The following AUH variants were observed in gnomAD, a reference collection of about 807,000 sequenced individuals.
AUH encodes the protein methylglutaconyl-CoA hydratase, mitochondrial.
A neutral mutation model predicts 42.3 loss-of-function variants in AUH; 29 were observed. The ratio of observed to expected loss-of-function variants is 0.69; its 90% CI spans 0.51 to 0.93. AUH has a LOEUF of 0.93. AUH is among the 40% of genes least tolerant of loss of function. The probability of loss-of-function intolerance (pLI) is 0.00; values close to 1 mark genes in which losing one functional copy is unlikely to be tolerated. For missense variants in AUH, 452 were observed against 438.1 expected (o/e 1.03, Z -0.28); for synonymous variants, 174 against 166.4 (o/e 1.05, Z -0.35).
intron 4 of AUH, among the ~76,000 whole-genome samples, chr9:91,301,905 A>T (rs1222687442): frequency 6.6e-6 from 1 of 152,238 alleles, no homozygotes; most frequent in African/African-American, 2.4e-5. Flanking sequence ...AATTAACATA[A>T]ATTAGCCTTG....
In AUH at chr9:91,361,824, C is replaced by A; in HGVS notation, c.66G>T (p.Leu22=). The change falls in exon 1 of 10, where the codon CTG becomes CTT. Residue 22 remains leucine, a synonymous_variant. Coordinates refer to ENST00000375731, the MANE Select transcript of AUH (RefSeq NM_001698.3). ...AGAGCCACGCACTGCAAGCGGCCAC[C>A]AGGCGGGCGCCGCCAGCATGCAGGG... ...LGSLHAGGAR[L]VAACSAWLCP... 2 of 1,505,692 alleles carry A rather than the reference C, an allele frequency of 1.3e-6. No homozygotes were observed. The highest frequency in any genetic ancestry group is 1.8e-6 in the Non-Finnish European group (2 of 1,132,484). 93.3% of individuals were successfully genotyped at this position (1,505,692 alleles called of 1,614,324 possible). A position where few individuals can be genotyped will look rare whatever the true frequency, so the allele number is the denominator to read the frequency against.
chr9:91,260,438 T>C (rs1052941556), intron 6 of AUH, among the ~76,000 whole-genome samples: 3 of 152,226 alleles, frequency 2.0e-5, no homozygotes, highest in African/African-American at 4.8e-5. Flanking sequence ...TGAGTGTTTT[T>C]AGTATTCCAT....
At chr9:91,240,370 G>A (rs1828443898) in intron 6 of AUH, among the ~76,000 whole-genome samples, 1 of 152,136 alleles carries the variant, frequency 6.6e-6, no homozygotes, top group Non-Finnish European at 1.5e-5. Flanking sequence ...GGCTTCTCCT[G>A]CCCAACCCTC....
intron 6 of AUH, among the ~76,000 whole-genome samples, chr9:91,223,211 G>A (rs1440639855): frequency 6.6e-6 from 1 of 152,174 alleles, no homozygotes; most frequent in African/African-American, 2.4e-5. Flanking sequence ...AGGAACCAGG[G>A]GAAAACCCTT....
At chr9:91,357,995 C>A (rs1002192102) in intron 1 of AUH, among the ~76,000 whole-genome samples, 12 of 152,066 alleles carry the variant, frequency 7.9e-5, no homozygotes, top group African/African-American at 2.9e-4. Flanking sequence ...GGAGATCATA[C>A]CAGAAGTAGA....
intron 6 of AUH, among the ~76,000 whole-genome samples, chr9:91,244,291 T>C (rs1206524464): frequency 6.6e-6 from 1 of 152,204 alleles, no homozygotes; most frequent in East Asian, 1.9e-4. Context: ...CACTGTATAG[T>C]ATTAATAGAA....
chr9:91,237,754 C>T (rs1369783251), intron 6 of AUH, among the ~76,000 whole-genome samples: 1 of 152,182 alleles, frequency 6.6e-6, no homozygotes, highest in Non-Finnish European at 1.5e-5. Flanking sequence ...TCAATAACTT[C>T]CTGTTACCTG....
chr9:91,275,560 A>G (rs2482340), intron 6 of AUH, among the ~76,000 whole-genome samples: 77,306 of 152,054 alleles, frequency 0.51, 22,979 homozygotes, highest in African/African-American at 0.83. Context: ...ATAATTAAAT[A>G]AGTGTTCTCA....
chr9:91,344,516 T>C (rs2132000502), intron 3 of AUH, among the ~76,000 whole-genome samples: 1 of 152,318 alleles, frequency 6.6e-6, no homozygotes, highest in African/African-American at 2.4e-5. Flanking sequence ...TTCGAATATG[T>C]TACAGAATTT....
chr9:91,317,046 C>T (rs1745416789), intron 4 of AUH, among the ~76,000 whole-genome samples: 1 of 152,234 alleles, frequency 6.6e-6, no homozygotes, highest in Non-Finnish European at 1.5e-5. Flanking sequence ...ATATCAACTT[C>T]CCCACTTGGG....
chr9:91,355,867 C>G lies in AUH; in HGVS notation c.418+16G>C. ...CAGACTACAGTTTAATTTCATAATACAACATATTTACATACCAGCACAGAA... is the reference window on the plus strand; with the variant it reads ...CAGACTACAGTTTAATTTCATAATAGAACATATTTACATACCAGCACAGAA... On this transcript the variant is annotated intron_variant, in intron 3 of 9. Coordinates refer to ENST00000375731, the MANE Select transcript of AUH (RefSeq NM_001698.3). 6.3e-7 allele frequency: 1 copy of G among 1,588,370 alleles called. No homozygotes were observed. The highest frequency in any genetic ancestry group is 1.7e-4 in the Middle Eastern group (1 of 6,016).
chr9:91,221,370 G>A (rs1412771229), intron 6 of AUH, among the ~76,000 whole-genome samples: 1 of 152,138 alleles, frequency 6.6e-6, no homozygotes, highest in Non-Finnish European at 1.5e-5. Context: ...ACCAAGCTTG[G>A]CATTCTTCTT....
chr9:91,257,580 C>T (rs73651407), intron 6 of AUH, among the ~76,000 whole-genome samples: 32 of 152,282 alleles, frequency 2.1e-4, no homozygotes, highest in African/African-American at 7.2e-4. Context: ...CCCCTTGCCA[C>T]CAATGGGTCC....
intron 6 of AUH, among the ~76,000 whole-genome samples, chr9:91,242,615 C>T (rs7857616): frequency 0.21 from 31,398 of 152,082 alleles, 3,413 homozygotes; most frequent in East Asian, 0.32. Flanking sequence ...TCACATCAAC[C>T]GTTTTTCTTG....
At chr9:91,214,669 C>A (rs569277612) in intron 9 of AUH, among the ~76,000 whole-genome samples, 1 of 152,264 alleles carries the variant, frequency 6.6e-6, no homozygotes, top group African/African-American at 2.4e-5. Flanking sequence ...TAGATATTTT[C>A]TCTTTTCTAT....
intron 4 of AUH, among the ~76,000 whole-genome samples, chr9:91,320,250 A>G (rs1004240418): frequency 2.8e-4 from 42 of 152,214 alleles, no homozygotes; most frequent in Admixed American, 2.6e-3. Context: ...GTACGTATGC[A>G]TATCTTGTTT....
At chr9:91,326,494 G>A (rs1285906109) in intron 3 of AUH, among the ~76,000 whole-genome samples, 1 of 152,040 alleles carries the variant, frequency 6.6e-6, no homozygotes, top group Non-Finnish European at 1.5e-5. Context: ...TAAATAGAAT[G>A]TTACCTGTAT....
At chr9:91,304,735 A>G (rs1367278066) in intron 4 of AUH, among the ~76,000 whole-genome samples, 2 of 152,252 alleles carry the variant, frequency 1.3e-5, no homozygotes, top group African/African-American at 4.8e-5. Flanking sequence ...CCGTCTACAA[A>G]ATGTTTCTAA....
intron 4 of AUH, among the ~76,000 whole-genome samples, chr9:91,298,666 C>A (rs1453700142): frequency 6.6e-6 from 1 of 152,194 alleles, no homozygotes; most frequent in Non-Finnish European, 1.5e-5. Flanking sequence ...CCCTGAGAAC[C>A]TGCTCACAAG....
Sources: allele counts gnomAD v4.1 joint callset (sites outside exome capture counted in the v4.1 genomes callset), GRCh38; gene constraint gnomAD v4.1.1; transcripts MANE v1.5; gene names NCBI Gene and HGNC (gene_info 2026-07-23, HGNC 2026-07-21).